PGCKA1: variants seen among roughly 807,000 people sequenced by gnomAD.
The protein encoded by PGCKA1 is PDCD10 and GCKIII kinases-associated protein 1.
the PGCKA1 span, among the ~76,000 whole-genome samples, chr4:37,486,557 A>G: frequency 2.0e-5 from 3 of 152,158 alleles, no homozygotes; most frequent in South Asian, 6.2e-4. Context: ...GCACAAAAGA[A>G]CCAGCGTTGC....
At chr4:37,464,370 C>T in the PGCKA1 span, among the ~76,000 whole-genome samples, 4 of 152,102 alleles carry the variant, frequency 2.6e-5, no homozygotes, top group African/African-American at 9.7e-5. Context: ...ATTTCAGTTT[C>T]CTCATCTGTA....
chr4:37,527,676 A>G, the PGCKA1 span, among the ~76,000 whole-genome samples: 2 of 151,804 alleles, frequency 1.3e-5, no homozygotes, highest in Non-Finnish European at 2.9e-5. Flanking sequence ...AAAAAAAAAA[A>G]AAAATTAACT....
chr4:37,588,944 G>A, the PGCKA1 span: 1 of 1,480,790 alleles, frequency 6.8e-7, no homozygotes, highest in Non-Finnish European at 9.4e-7. Flanking sequence ...AATTTGTGAT[G>A]AGCGTGGGGT....
At chr4:37,473,212 A>G in the PGCKA1 span, among the ~76,000 whole-genome samples, 1 of 152,216 alleles carries the variant, frequency 6.6e-6, no homozygotes, top group Non-Finnish European at 1.5e-5. Flanking sequence ...TGTTCTAACC[A>G]TGGGAAAACT....
the PGCKA1 span, among the ~76,000 whole-genome samples, chr4:37,455,130 G>T: frequency 6.6e-6 from 1 of 152,182 alleles, no homozygotes; most frequent in Non-Finnish European, 1.5e-5. Flanking sequence ...AGAGTTGAAT[G>T]AGAAAGAAAT....
At chr4:37,551,974 A>G in the PGCKA1 span, among the ~76,000 whole-genome samples, 1 of 152,230 alleles carries the variant, frequency 6.6e-6, no homozygotes, top group African/African-American at 2.4e-5. Flanking sequence ...TGAGAGTCTC[A>G]AAGGGGGGAA....
chr4:37,453,266 T>C, the PGCKA1 span, among the ~76,000 whole-genome samples: 1 of 152,136 alleles, frequency 6.6e-6, no homozygotes, highest in Admixed American at 6.5e-5. Context: ...TTGGATGCAG[T>C]CTTGTGGCCA....
the PGCKA1 span, among the ~76,000 whole-genome samples, chr4:37,585,006 GTTT>G: frequency 1.8e-3 from 218 of 123,598 alleles, no homozygotes; most frequent in African/African-American, 5.3e-3. Context: ...TCTTTGACTT[GTTT>G]TTTTTTTTTT....
chr4:37,465,217 C>T, the PGCKA1 span, among the ~76,000 whole-genome samples: 1 of 151,750 alleles, frequency 6.6e-6, no homozygotes, highest in Non-Finnish European at 1.5e-5. Flanking sequence ...AATTAGTGAA[C>T]CTAGTGCCAC....
chr4:37,462,282 C>G, the PGCKA1 span, among the ~76,000 whole-genome samples: 1 of 152,152 alleles, frequency 6.6e-6, no homozygotes, highest in Non-Finnish European at 1.5e-5. Context: ...TTATGATGAT[C>G]ATTTCATAGT....
chr4:37,555,735 C>T, the PGCKA1 span, among the ~76,000 whole-genome samples: 1 of 152,154 alleles, frequency 6.6e-6, no homozygotes, highest in African/African-American at 2.4e-5. Context: ...TAGCTGTTCT[C>T]TTTATCTGAG....
At chr4:37,534,738 C>G in the PGCKA1 span, among the ~76,000 whole-genome samples, 1 of 152,128 alleles carries the variant, frequency 6.6e-6, no homozygotes. Context: ...TCCCTTCAAC[C>G]TCTTTTGTAA....
the PGCKA1 span, among the ~76,000 whole-genome samples, chr4:37,567,058 G>A: frequency 7.1e-6 from 1 of 141,744 alleles, no homozygotes; most frequent in Admixed American, 6.9e-5. Context: ...ATAATCCAGC[G>A]GACAAAAAAA....
At chr4:37,520,375 C>A in the PGCKA1 span, among the ~76,000 whole-genome samples, 2 of 152,146 alleles carry the variant, frequency 1.3e-5, no homozygotes, top group Non-Finnish European at 2.9e-5. Flanking sequence ...AGTAGTGAAG[C>A]CATCAGGTCC....
chr4:37,519,128 CTGTT>C, the PGCKA1 span, among the ~76,000 whole-genome samples: 26 of 152,172 alleles, frequency 1.7e-4, 2 homozygotes, highest in South Asian at 5.2e-3. Context: ...ATTGGTCTAT[CTGTT>C]TGTTTTTATG....
the PGCKA1 span, among the ~76,000 whole-genome samples, chr4:37,496,888 G>T: frequency 1.3e-5 from 2 of 151,926 alleles, no homozygotes; most frequent in Non-Finnish European, 2.9e-5. Flanking sequence ...TTCTGATTTG[G>T]CTCTTGGTTT....
At chr4:37,508,588 A>T in the PGCKA1 span, among the ~76,000 whole-genome samples, 1 of 151,474 alleles carries the variant, frequency 6.6e-6, no homozygotes, top group Non-Finnish European at 1.5e-5. Flanking sequence ...ACATCCACAG[A>T]CATATAATTA....
chr4:37,527,198 G>A, the PGCKA1 span, among the ~76,000 whole-genome samples: 3 of 152,160 alleles, frequency 2.0e-5, no homozygotes, highest in African/African-American at 7.2e-5. Flanking sequence ...TTTAAGCTAA[G>A]TGTTACTACG....
chr4:37,556,722 A>G, the PGCKA1 span, among the ~76,000 whole-genome samples: 1 of 152,102 alleles, frequency 6.6e-6, no homozygotes, highest in Non-Finnish European at 1.5e-5. Flanking sequence ...TGTACTCTGA[A>G]TGATATTGTA....
Sources: gnomAD v4.1 joint callset for allele counts (sites outside exome capture counted in the v4.1 genomes callset) on GRCh38, gnomAD v4.1.1 for gene constraint, MANE v1.5 for transcripts, NCBI Gene and HGNC (gene_info 2026-07-23, HGNC 2026-07-21) for gene names.